PAN3: variants seen among roughly 807,000 people sequenced by gnomAD.
The protein encoded by PAN3 is PAN2-PAN3 deadenylation complex subunit PAN3.
In PAN3, 19 loss-of-function variants were observed where a neutral mutation model predicts 96.2. That is an observed-to-expected ratio of 0.20 (90% CI 0.14 to 0.29). The LOEUF is 0.29. PAN3 is among the 10% of genes least tolerant of loss of function. The pLI is 1.00. For missense variants in PAN3, 882 were observed against 1,108.1 expected, an observed-to-expected ratio of 0.80 and a Z score of 2.90; for synonymous variants, 433 against 406.6, an observed-to-expected ratio of 1.06 and a Z score of -0.78.
chr13:28,231,791 A>G lies in PAN3; in HGVS notation c.1000+11413A>G, dbSNP rs1417765953. Among the ~76,000 whole-genome samples the G allele has an allele frequency of 2.0e-5, 3 of 152,168 alleles. No individual in the cohort carries two copies. The East Asian group carries it at 5.8e-4, about 29-fold the overall frequency. On this transcript the variant is annotated intron_variant, in intron 6 of 18. Coordinates refer to ENST00000380958, the MANE Select transcript of PAN3 (RefSeq NM_175854.8). ...GTGGCACACACCTGTAGTCCCAGCT[A>G]CTTGGGAGCTTGAGGCGGGAGGATT...
chr13:28,176,533 A>G lies in PAN3; in HGVS notation c.593A>G (p.Asp198Gly), dbSNP rs905462539. ...AGCAGCTCCCCAAGCCTTCTAAATGACAGTGCCAAGCCATATTCAGCCCAT... is the reference window on the plus strand; with the variant it reads ...AGCAGCTCCCCAAGCCTTCTAAATGGCAGTGCCAAGCCATATTCAGCCCAT... ...NSSSSPSLLN[D>G]SAKPYSAHDP... Residue 198 changes from aspartate (D) to glycine (G), a missense_variant, in exon 3 of 19, where the codon GAC becomes GGC. Physicochemically the swap from Asp to Gly is moderately conservative, Grantham distance 94 (BLOSUM62 -1). Transcript: ENST00000380958. 2 of 1,614,028 alleles carry G rather than the reference A, an allele frequency of 1.2e-6. No homozygotes were observed. Among genetic ancestry groups the G allele is most frequent in the Non-Finnish European group, 1.7e-6 (2 of 1,179,922 alleles).
intron 1 of PAN3, 111 bp from the exon 2 acceptor site, chr13:28,174,161 A>G: frequency 1.7e-6 from 2 of 1,188,922 alleles, no homozygotes; most frequent in Admixed American, 2.6e-5. Context: ...GGTAAATAAA[A>G]ATAAGTGTGA....
At chr13:28,198,639 G>A (rs966182205) in intron 5 of PAN3, among the ~76,000 whole-genome samples, 1 of 152,052 alleles carries the variant, frequency 6.6e-6, no homozygotes, top group African/African-American at 2.4e-5. Flanking sequence ...TTAAAAAATT[G>A]ATAATTATTC....
intron 5 of PAN3, among the ~76,000 whole-genome samples, chr13:28,218,447 T>C (rs954200446): frequency 1.3e-5 from 2 of 151,390 alleles, no homozygotes; most frequent in Non-Finnish European, 3.0e-5. Context: ...GGAAGGAGAG[T>C]TTTAGGTCAT....
Position 28,260,516 on chromosome 13 carries a change from G to T in PAN3, c.1318G>T (p.Ala440Ser), listed in dbSNP as rs765586023. The T allele has an allele frequency of 3.1e-6, 5 of 1,613,122 alleles. No homozygotes were observed. Among genetic ancestry groups the T allele is most frequent in the Admixed American group, 3.3e-5 (2 of 59,988 alleles). ...TGCTTATATGCAACCGAAAGCAAAC[G>T]CACCTTCCTTCTTCATGGCTGATGA... ...HVAYMQPKANAPSFFMADELR... is the reference protein window; with the variant it reads ...HVAYMQPKANSPSFFMADELR... Residue 440 changes from alanine (A) to serine (S), a missense_variant, in exon 8 of 19, where the codon GCA becomes TCA. Ala to Ser is a moderately conservative substitution (Grantham distance 99). Transcript: ENST00000380958.
intron 6 of PAN3, among the ~76,000 whole-genome samples, chr13:28,240,918 C>T (rs1015939738): frequency 6.6e-6 from 1 of 152,168 alleles, no homozygotes; most frequent in Non-Finnish European, 1.5e-5. Flanking sequence ...ATACATATGC[C>T]TATGTCTTGT....
intron 12 of PAN3, among the ~76,000 whole-genome samples, chr13:28,270,445 ATAAT>A (rs1886515538): frequency 6.6e-6 from 1 of 152,348 alleles, no homozygotes; most frequent in Admixed American, 6.5e-5. Context: ...TTTTTATTCA[ATAAT>A]TAAGTGGTTA....
chr13:28,227,346 T>C (rs1420276825), intron 6 of PAN3, among the ~76,000 whole-genome samples: 1 of 152,172 alleles, frequency 6.6e-6, no homozygotes, highest in African/African-American at 2.4e-5. Flanking sequence ...GTGAACTTCC[T>C]GTTTAAATCT....
chr13:28,247,853 A>C (rs1049651147), intron 6 of PAN3, among the ~76,000 whole-genome samples: 5 of 152,200 alleles, frequency 3.3e-5, no homozygotes, highest in Non-Finnish European at 7.3e-5. Flanking sequence ...TGAAGCAAGT[A>C]GTAGATGTCT....
intron 4 of PAN3, among the ~76,000 whole-genome samples, chr13:28,179,183 T>C (rs1039687923): frequency 6.6e-6 from 1 of 152,236 alleles, no homozygotes. Context: ...CTTTACATAC[T>C]TCTCTTATAA....
intron 6 of PAN3, among the ~76,000 whole-genome samples, chr13:28,223,936 G>C (rs377365052): frequency 7.5e-6 from 1 of 132,882 alleles, no homozygotes; most frequent in African/African-American, 3.0e-5. Flanking sequence ...GCTGGAGTGC[G>C]TGGCTCATTC....
chr13:28,169,688 T>C (rs1874051348), intron 1 of PAN3, among the ~76,000 whole-genome samples: 2 of 152,160 alleles, frequency 1.3e-5, no homozygotes, highest in South Asian at 4.1e-4. Flanking sequence ...TATTCCTCTT[T>C]TCTCCCTTCC....
chr13:28,209,036 A>G (rs766690468), intron 5 of PAN3, among the ~76,000 whole-genome samples: 16 of 152,340 alleles, frequency 1.1e-4, no homozygotes, highest in East Asian at 5.8e-4. Flanking sequence ...ATATTTGCAT[A>G]TAACCTATGT....
intron 1 of PAN3, among the ~76,000 whole-genome samples, chr13:28,169,222 C>CTTT (rs202200725): frequency 0.01 from 767 of 74,988 alleles, 21 homozygotes; most frequent in African/African-American, 0.021. Flanking sequence ...TTTTTGTTTG[C>CTTT]TTTTTTTTTT....
chr13:28,267,040 G>A, intron 10 of PAN3, 55 bp from the exon 11 acceptor site: 1 of 1,463,750 alleles, frequency 6.8e-7, no homozygotes, highest in Non-Finnish European at 9.3e-7. Context: ...ATTTCTGATG[G>A]AATATGAAGG....
At chr13:28,144,216 T>G (rs906987745) in intron 1 of PAN3, among the ~76,000 whole-genome samples, 28 of 139,832 alleles carry the variant, frequency 2.0e-4, no homozygotes, top group African/African-American at 4.1e-4. Context: ...TTTTTGTTTT[T>G]TTTTTTTTTT....
chr13:28,140,212 T>C (rs1425437323), intron 1 of PAN3, among the ~76,000 whole-genome samples: 1 of 152,084 alleles, frequency 6.6e-6, no homozygotes. Context: ...AGCCTCTCAG[T>C]GTGTTGTTAT....
At chr13:28,245,604 CA>C (rs1469064893) in intron 6 of PAN3, among the ~76,000 whole-genome samples, 1 of 152,082 alleles carries the variant, frequency 6.6e-6, no homozygotes, top group East Asian at 1.9e-4. Context: ...ATCATGGAAC[CA>C]TTACCATTCA....
intron 15 of PAN3, among the ~76,000 whole-genome samples, chr13:28,277,649 T>C (rs1887169984): frequency 6.6e-6 from 1 of 152,258 alleles, no homozygotes; most frequent in Non-Finnish European, 1.5e-5. Flanking sequence ...TTTACATTGA[T>C]ATTAATTGAA....
Sources: gnomAD v4.1 joint callset for allele counts (sites outside exome capture counted in the v4.1 genomes callset) on GRCh38, gnomAD v4.1.1 for gene constraint, MANE v1.5 for transcripts, NCBI Gene and HGNC (gene_info 2026-07-23, HGNC 2026-07-21) for gene names.